The following CABP1 variants were observed in gnomAD, a reference collection of about 807,000 sequenced individuals.
The protein encoded by CABP1 is calcium-binding protein 1.
A neutral mutation model predicts 34.3 loss-of-function variants in CABP1; 17 were observed. The observed-to-expected ratio is 0.50, with a 90% CI of 0.34 to 0.74. The LOEUF is 0.74. CABP1 is among the 30% of genes least tolerant of loss of function. The pLI is 0.01. For missense variants in CABP1, 373 were observed against 511.1 expected (o/e 0.73, Z 2.61); for synonymous variants, 198 against 229.2 (o/e 0.86, Z 1.23).
chr12:120,640,884 T>A lies in CABP1; in HGVS notation c.199T>A (p.Ser67Thr). Reference protein sequence around the residue: ...AMSSHIAKSESKTSLLKAAAA... With the variant: ...AMSSHIAKSETKTSLLKAAAA... ...GAGCTCGCACATCGCCAAAAGCGAG[T>A]CCAAGACGTCGCTGCTGAAGGCGGC... The change falls in exon 1 of 6, where the codon TCC becomes ACC. Residue 67 changes from serine (S) to threonine (T), a missense_variant. Coordinates refer to ENST00000316803, the MANE Select transcript of CABP1 (RefSeq NM_001033677.2). This position sits in a 1 kb window ranked among gnomAD's most constrained non-coding sequence, Gnocchi z 6.2. 1 of 1,088,786 alleles carries A rather than the reference T, an allele frequency of 9.2e-7. No homozygotes were observed. Among genetic ancestry groups the A allele is most frequent in the African/African-American group, 1.7e-5 (1 of 59,084 alleles). The allele number at this position is 1,088,786 out of a possible 1,614,324, so 67.4% of individuals were successfully genotyped here. A position where few individuals can be genotyped will look rare whatever the true frequency, so the allele number is the denominator to read the frequency against.
Position 120,660,620 on chromosome 12 carries a change from G to A in CABP1, c.830-111G>A, listed in dbSNP as rs770290705. On this transcript the variant is annotated intron_variant, in intron 3 of 5. Coordinates refer to ENST00000316803, the MANE Select transcript of CABP1 (RefSeq NM_001033677.2). The surrounding 1 kb of genome is among the most constrained non-coding windows in gnomAD (Gnocchi z 5.0). ...GAGGGCTCTTGTTATTATTAAGTTT[G>A]TCTCTATCTGATGAGCAGGTCAAGG... The A allele has an allele frequency of 2.0e-5, 16 of 791,280 alleles. No homozygotes were observed. The highest frequency in any genetic ancestry group is 3.3e-5 in the Non-Finnish European group (15 of 456,750). The allele number at this position is 791,280 out of a possible 1,614,324, so 49.0% of individuals were successfully genotyped here.
chr12:120,656,338 TGAA>T, intron 1 of CABP1: 1 of 1,423,440 alleles, frequency 7.0e-7, no homozygotes, highest in Non-Finnish European at 9.3e-7. Flanking sequence ...GGTGCTGGGA[TGAA>T]GAAGGGGTCT....
intron 1 of CABP1, among the ~76,000 whole-genome samples, chr12:120,645,420 G>A (rs143341930): frequency 1.4e-4 from 22 of 152,298 alleles, no homozygotes; most frequent in African/African-American, 5.3e-4. Flanking sequence ...AATAGCACTT[G>A]AGGCCTCAGT....
In CABP1 at chr12:120,660,353, C is replaced by G. The variant is rs761316307; in HGVS notation, c.829+14C>G. ...TCAACATGAACCGTGAGTCCCTCTA[C>G]CAGGCATCTGCGTCCCTTCGGTCCT... On this transcript the variant is annotated intron_variant, in intron 3 of 5. Coordinates refer to ENST00000316803, the MANE Select transcript of CABP1 (RefSeq NM_001033677.2). This position sits in a 1 kb window ranked among gnomAD's most constrained non-coding sequence, Gnocchi z 5.0. The G allele has an allele frequency of 6.2e-7, 1 of 1,610,644 alleles. No individual in the cohort carries two copies. Among genetic ancestry groups the G allele is most frequent in the Non-Finnish European group, 8.5e-7 (1 of 1,179,262 alleles).
intron 5 of CABP1, among the ~76,000 whole-genome samples, chr12:120,665,931 T>A (rs1225657593): frequency 6.7e-6 from 1 of 149,782 alleles, no homozygotes; most frequent in African/African-American, 2.5e-5. Flanking sequence ...GGCAGGAGAA[T>A]GGCGTGAACC....
the CABP1 span, among the ~76,000 whole-genome samples, chr12:120,679,073 C>CAAAAAAAA: frequency 1.1e-5 from 1 of 87,086 alleles, no homozygotes; most frequent in African/African-American, 4.2e-5. Context: ...ACACCATCTC[C>CAAAAAAAA]AAAAAAAAAA....
At position 120,654,282 on chromosome 12, in the gene CABP1, C is replaced by G. The variant is rs1242920272; in HGVS notation, c.655-5596C>G. The stretch of plus-strand genomic sequence containing the variant: ...GCTTCCTCTTTGAGGAACCGGAATA[C>G]TGCACCACCCTCTCTAGGCCTGGAA... On this transcript the variant is annotated intron_variant, in intron 1 of 5. Coordinates refer to ENST00000316803, the MANE Select transcript of CABP1 (RefSeq NM_001033677.2). 7.9e-5 allele frequency among the ~76,000 whole-genome samples: 12 copies of G among 152,306 alleles called. No individual in the cohort carries two copies. The East Asian group carries it at 2.3e-3, about 29-fold the overall frequency.
chr12:120,643,506 C>T (rs969771241), intron 1 of CABP1, among the ~76,000 whole-genome samples: 3 of 152,188 alleles, frequency 2.0e-5, no homozygotes, highest in Non-Finnish European at 4.4e-5. Context: ...AAATACAGCC[C>T]TGGGGAAGTA....
At chr12:120,659,606 G>T (rs1246784559) in intron 1 of CABP1, 1 of 413,102 alleles carries the variant, frequency 2.4e-6, no homozygotes, top group Non-Finnish European at 4.3e-6. Flanking sequence ...CTTGTATCTG[G>T]AACAAGGGGC....
Position 120,660,853 on chromosome 12 carries a change from G to T in CABP1, c.939+13G>T. The stretch of plus-strand genomic sequence containing the variant: ...TGCTTTCCGAGAGGTAACGGACAGA[G>T]GCAGGCAGGCATGGGGCGGCTATTG... On this transcript the variant is annotated intron_variant, in intron 4 of 5. Transcript: ENST00000316803. The surrounding 1 kb of genome is among the most constrained non-coding windows in gnomAD (Gnocchi z 5.0). The T allele has an allele frequency of 6.3e-7, 1 of 1,580,342 alleles. No individual in the cohort carries two copies. The highest frequency in any genetic ancestry group is 8.7e-7 in the Non-Finnish European group (1 of 1,149,146).
rs903407441 is a variant in CABP1, at chr12:120,660,445, C to T, written c.829+106C>T. On this transcript the variant is annotated intron_variant, in intron 3 of 5. Transcript: ENST00000316803. The surrounding 1 kb of genome is among the most constrained non-coding windows in gnomAD (Gnocchi z 5.0). ...ATTCTGCATCCACCTCTTACCAGCTCTGTGATCTGGGGCCAACCACTTACC... is the reference window on the plus strand; with the variant it reads ...ATTCTGCATCCACCTCTTACCAGCTTTGTGATCTGGGGCCAACCACTTACC... The T allele has an allele frequency of 5.4e-6, 7 of 1,298,028 alleles. No homozygotes were observed. In the South Asian group the frequency reaches 8.4e-5, roughly 16 times the overall value. 80.4% of individuals were successfully genotyped at this position (1,298,028 alleles called of 1,614,324 possible).
In CABP1 at chr12:120,655,929, T is replaced by C. The variant is rs1880169806; in HGVS notation, c.655-3949T>C. 2.0e-6 allele frequency: 3 copies of C among 1,537,794 alleles called. No homozygotes were observed. In the South Asian group the frequency reaches 3.6e-5, roughly 18 times the overall value. On this transcript the variant is annotated intron_variant, in intron 1 of 5. Transcript: ENST00000316803. ...TCCGTCAAGGATTGGAGACTCTGTC[T>C]GTTGGACCAATTTGATGCCTGTGCA...
rs759463784 is a variant in CABP1 at position 120,660,760 on chromosome 12, G to A, written c.859G>A (p.Val287Met). The part of the protein sequence containing the change: ...LGGHVDFDDF[V>M]ELMGPKLLAE... ...TGGCCATGTAGATTTTGATGACTTC[G>A]TGGAGCTAATGGGGCCTAAACTCCT... is the stretch of plus-strand genomic sequence containing the variant. The change falls in exon 4 of 6, where the codon GTG becomes ATG. Residue 287 changes from valine to methionine, a missense_variant. Coordinates refer to ENST00000316803, the MANE Select transcript of CABP1 (RefSeq NM_001033677.2). This position sits in a 1 kb window ranked among gnomAD's most constrained non-coding sequence, Gnocchi z 5.0. The A allele has an allele frequency of 1.2e-5, 20 of 1,613,710 alleles. No homozygotes were observed. The highest frequency in any genetic ancestry group is 2.2e-5 in the East Asian group (1 of 44,888).
At chr12:120,654,565 C>T (rs963508532) in intron 1 of CABP1, among the ~76,000 whole-genome samples, 4 of 152,222 alleles carry the variant, frequency 2.6e-5, no homozygotes, top group Non-Finnish European at 5.9e-5. Flanking sequence ...CTCAGGGTTT[C>T]AGCTCCTGTC....
chr12:120,651,590 T>C (rs1157735393), intron 1 of CABP1, among the ~76,000 whole-genome samples: 2 of 152,200 alleles, frequency 1.3e-5, no homozygotes, highest in African/African-American at 2.4e-5. Context: ...AGGAACTTGA[T>C]TGACATTCAG....
chr12:120,660,909 A>G lies in CABP1; in HGVS notation c.939+69A>G, dbSNP rs1296173164. ...CTATCTGCAGTATAAATACTTCAAA[A>G]GAAGCCTGAGCCTCAAGTCCCAGAT... On this transcript the variant is annotated intron_variant, in intron 4 of 5. Coordinates refer to ENST00000316803, the MANE Select transcript of CABP1 (RefSeq NM_001033677.2). This position sits in a 1 kb window ranked among gnomAD's most constrained non-coding sequence, Gnocchi z 5.0. 5.0e-6 allele frequency: 7 copies of G among 1,408,684 alleles called. No homozygotes were observed. The highest frequency in any genetic ancestry group is 6.0e-6 in the Non-Finnish European group (6 of 997,716). The allele number at this position is 1,408,684 out of a possible 1,614,324, so 87.3% of individuals were successfully genotyped here.
At chr12:120,649,136 G>A (rs1173742015) in intron 1 of CABP1, among the ~76,000 whole-genome samples, 2 of 152,188 alleles carry the variant, frequency 1.3e-5, no homozygotes, top group Middle Eastern at 3.4e-3. Context: ...ACCATTGCGT[G>A]GTTGTCAGCA....
Position 120,660,550 on chromosome 12 carries a change from A to G in CABP1, c.830-181A>G, listed in dbSNP as rs2137362362. Among the ~76,000 whole-genome samples, 1 of 152,342 alleles carries G rather than the reference A, an allele frequency of 6.6e-6. No homozygotes were observed. Among genetic ancestry groups the G allele is most frequent in the Admixed American group, 6.5e-5 (1 of 15,310 alleles). ...GAGCCCAGAAAGTAGATTAGGGAAT[A>G]TCTGTAAAACAGCCCAATAACTGGC... On this transcript the variant is annotated intron_variant, in intron 3 of 5. Transcript: ENST00000316803. The surrounding 1 kb of genome is among the most constrained non-coding windows in gnomAD (Gnocchi z 5.0).
the CABP1 span, among the ~76,000 whole-genome samples, chr12:120,673,756 G>A: frequency 6.6e-6 from 1 of 152,188 alleles, no homozygotes; most frequent in Non-Finnish European, 1.5e-5. Flanking sequence ...GTTATAGGGA[G>A]GCAGGAATTC....
Sources: gnomAD v4.1 joint callset for allele counts (sites outside exome capture counted in the v4.1 genomes callset) on GRCh38, gnomAD v4.1.1 for gene constraint, Gnocchi (gnomAD v3.1) non-coding constraint, MANE v1.5 for transcripts, NCBI Gene and HGNC (gene_info 2026-07-23, HGNC 2026-07-21) for gene names.